Variants in TRPM3 observed in about 807,000 individuals in gnomAD.
TRPM3 encodes transient receptor potential cation channel subfamily M member 3.
Under a neutral mutation model 181.2 loss-of-function variants are expected in TRPM3, and 77 were observed. The ratio of observed to expected loss-of-function variants is 0.42; its 90% CI spans 0.35 to 0.51. The LOEUF (loss-of-function observed/expected upper bound fraction) is 0.51. TRPM3 is among the 20% of genes least tolerant of loss of function. The probability of loss-of-function intolerance (pLI) is 0.01; values close to 1 mark genes in which losing one functional copy is unlikely to be tolerated. For missense variants in TRPM3, 1,759 were observed against 2,196.7 expected, an observed-to-expected ratio of 0.80 and a Z score of 3.98; for synonymous variants, 745 against 796.4, an observed-to-expected ratio of 0.94 and a Z score of 1.09.
chr9:70,741,611 T>C (rs982314146), intron 8 of TRPM3, among the ~76,000 whole-genome samples: 4 of 152,128 alleles, frequency 2.6e-5, no homozygotes, highest in Admixed American at 6.6e-5. Context: ...AATCGTGGTA[T>C]ATGTATATAT....
At chr9:71,363,627 A>G (rs910036243) in intron 1 of TRPM3, among the ~76,000 whole-genome samples, 3 of 152,224 alleles carry the variant, frequency 2.0e-5, no homozygotes, top group African/African-American at 4.8e-5. Flanking sequence ...AAACGTAAAA[A>G]TGTGCTTTGT....
chr9:70,631,027 A>C (rs1235881183), intron 12 of TRPM3, among the ~76,000 whole-genome samples: 3 of 152,240 alleles, frequency 2.0e-5, no homozygotes, highest in African/African-American at 7.2e-5. Context: ...ACAAGCCTTC[A>C]AAACAAGATT....
intron 1 of TRPM3, among the ~76,000 whole-genome samples, chr9:70,872,345 T>C (rs1469655931): frequency 1.3e-5 from 2 of 151,920 alleles, no homozygotes; most frequent in African/African-American, 2.4e-5. Flanking sequence ...GTGGTCTTAA[T>C]AGACAGGCTT....
chr9:70,942,951 C>T (rs1317458071), intron 1 of TRPM3, among the ~76,000 whole-genome samples: 1 of 152,052 alleles, frequency 6.6e-6, no homozygotes, highest in Non-Finnish European at 1.5e-5. Flanking sequence ...ACTAATGCAA[C>T]AAGCACCTGG....
At chr9:70,603,593 G>A in intron 19 of TRPM3, 123 bp from the exon 20 acceptor site, 1 of 971,926 alleles carries the variant, frequency 1.0e-6, no homozygotes, top group East Asian at 2.5e-5. Flanking sequence ...TATGACAAAA[G>A]GAACTTGAAG....
intron 1 of TRPM3, among the ~76,000 whole-genome samples, chr9:70,953,118 T>C (rs75074242): frequency 0.019 from 2,940 of 152,280 alleles, 50 homozygotes; most frequent in East Asian, 0.052. Flanking sequence ...AGAACTTCTA[T>C]GGCACAAGGG....
intron 1 of TRPM3, among the ~76,000 whole-genome samples, chr9:71,397,403 A>G (rs189027390): frequency 2.6e-5 from 4 of 152,258 alleles, no homozygotes; most frequent in Admixed American, 2.0e-4. Flanking sequence ...GCATTCTTGA[A>G]ATCAGATAAT....
At chr9:71,031,962 T>TAATA (rs368919012) in intron 1 of TRPM3, among the ~76,000 whole-genome samples, 2,709 of 3,354 alleles carry the variant, frequency 0.81, 1,186 homozygotes, top group South Asian at 0.9. Context: ...TATATAATTA[T>TAATA]ATATATATAT....
intron 1 of TRPM3, among the ~76,000 whole-genome samples, chr9:71,317,443 C>A (rs2088716269): frequency 6.6e-6 from 1 of 152,120 alleles, no homozygotes; most frequent in South Asian, 2.1e-4. Flanking sequence ...AGTTCAAGAC[C>A]AGCCTGGGCA....
At chr9:71,167,121 A>G (rs982983141) in intron 1 of TRPM3, among the ~76,000 whole-genome samples, 5 of 152,200 alleles carry the variant, frequency 3.3e-5, no homozygotes, top group African/African-American at 1.2e-4. Flanking sequence ...ATATTTCGAA[A>G]ATGTGAATCA....
chr9:71,104,807 G>A (rs974726308), intron 1 of TRPM3, among the ~76,000 whole-genome samples: 1 of 152,160 alleles, frequency 6.6e-6, no homozygotes, highest in South Asian at 2.1e-4. Flanking sequence ...TATACAGAAT[G>A]GCTAAAACTA....
At chr9:70,841,692 C>T (rs1312765817) in intron 5 of TRPM3, among the ~76,000 whole-genome samples, 2 of 129,330 alleles carry the variant, frequency 1.5e-5, no homozygotes, top group African/African-American at 5.9e-5. Flanking sequence ...ATAGATATAT[C>T]CCACCATATA....
At chr9:71,342,204 C>T (rs557528635) in intron 1 of TRPM3, among the ~76,000 whole-genome samples, 1 of 144,376 alleles carries the variant, frequency 6.9e-6, no homozygotes, top group Admixed American at 6.9e-5. Flanking sequence ...ATTTGGAATG[C>T]CAAATGTGCC....
chr9:70,598,034 G>T (rs1039999964), intron 21 of TRPM3, among the ~76,000 whole-genome samples: 21 of 152,032 alleles, frequency 1.4e-4, no homozygotes, highest in African/African-American at 4.6e-4. Context: ...TCTTTTCTGT[G>T]GTTCTGTTGT....
At chr9:70,798,422 C>T (rs2087845795) in intron 6 of TRPM3, among the ~76,000 whole-genome samples, 3 of 152,156 alleles carry the variant, frequency 2.0e-5, no homozygotes, top group Admixed American at 2.0e-4. Context: ...TCAAATATTA[C>T]CAGTTCCTGA....
At chr9:71,292,336 AAAG>A (rs2085885796) in intron 1 of TRPM3, among the ~76,000 whole-genome samples, 1 of 152,040 alleles carries the variant, frequency 6.6e-6, no homozygotes, top group Admixed American at 6.6e-5. Flanking sequence ...AGATGAGAAA[AAAG>A]AATAGAAAAC....
intron 24 of TRPM3, among the ~76,000 whole-genome samples, chr9:70,550,152 G>A (rs1275765506): frequency 1.3e-5 from 2 of 152,184 alleles, no homozygotes; most frequent in Non-Finnish European, 2.9e-5. Context: ...CTTGAAGCTA[G>A]CAGCAACCAC....
intron 1 of TRPM3, among the ~76,000 whole-genome samples, chr9:71,037,381 T>C (rs1008575321): frequency 6.6e-6 from 1 of 152,236 alleles, no homozygotes; most frequent in African/African-American, 2.4e-5. Context: ...ACAGTTTGAC[T>C]GGATTTAATT....
chr9:70,669,565 T>C (rs1297043559), intron 9 of TRPM3, among the ~76,000 whole-genome samples: 6 of 152,174 alleles, frequency 3.9e-5, no homozygotes, highest in Admixed American at 3.9e-4. Context: ...ATTGGAACTC[T>C]GCTTAGGAAG....
Sources: gnomAD v4.1 joint callset for allele counts (sites outside exome capture counted in the v4.1 genomes callset) on GRCh38, gnomAD v4.1.1 for gene constraint, MANE v1.5 for transcripts, NCBI Gene and HGNC (gene_info 2026-07-23, HGNC 2026-07-21) for gene names.